Variants in SERBP1 observed in about 807,000 individuals in gnomAD.
SERBP1 encodes SERPINE1 mRNA binding protein 1, also known as SERPINE1 mRNA-binding protein 1.
Under a neutral mutation model 50.2 loss-of-function variants are expected in SERBP1, and 6 were observed. The observed-to-expected ratio is 0.12, with a 90% CI of 0.07 to 0.24. The LOEUF (loss-of-function observed/expected upper bound fraction) is 0.24, where lower values mean the gene tolerates loss of function less well. SERBP1 is among the 10% of genes least tolerant of loss of function. The pLI is 1.00. For missense variants in SERBP1, 346 were observed against 524.9 expected (o/e 0.66, Z 3.33); for synonymous variants, 168 against 182.8 (o/e 0.92, Z 0.65).
intron 6 of SERBP1, among the ~76,000 whole-genome samples, chr1:67,416,211 C>G (rs1453336397): frequency 6.6e-6 from 1 of 152,148 alleles, no homozygotes; most frequent in Non-Finnish European, 1.5e-5. Context: ...CAGGTTTTCA[C>G]AGTGTTGCTC....
rs771340479 is a variant in SERBP1 at position 67,430,181 on chromosome 1, T to C, written c.120A>G (p.Glu40=). The change falls in exon 1 of 8, where the codon GAA becomes GAG. Residue 40 remains glutamate, a synonymous_variant. Coordinates refer to ENST00000361219, the MANE Select transcript of SERBP1 (RefSeq NM_001018069.2). The stretch of plus-strand genomic sequence containing the variant: ...GGCCCCCAACGCCGCCCCCGCCGGC[T>C]TCTTTTTTCTTGTTCTCTGCTGCCT... ...VLKAAENKKK[E]AGGGGVGGPG... is the part of the protein sequence containing the mutation. 1.2e-5 allele frequency: 20 copies of C among 1,610,614 alleles called. No homozygotes were observed. Among genetic ancestry groups the C allele is most frequent in the Non-Finnish European group, 1.7e-5 (20 of 1,179,554 alleles).
chr1:67,417,121 G>A (rs1028329851), intron 6 of SERBP1: 1 of 152,242 alleles, frequency 6.6e-6, no homozygotes, highest in African/African-American at 2.4e-5. Flanking sequence ...TGAGCACGGG[G>A]AGGTTGAGGC....
intron 7 of SERBP1, 64 bp from the exon 8 acceptor site, chr1:67,413,327 T>C (rs972080922): frequency 1.4e-6 from 2 of 1,385,466 alleles, no homozygotes; most frequent in African/African-American, 1.5e-5. Flanking sequence ...TGTTAGCTAG[T>C]GTCTACATTA....
At chr1:67,427,688 A>G (rs756516134) in intron 1 of SERBP1, among the ~76,000 whole-genome samples, 4 of 152,218 alleles carry the variant, frequency 2.6e-5, no homozygotes, top group Non-Finnish European at 4.4e-5. Flanking sequence ...ATCCAAGCCA[A>G]ACACACCCAA....
In SERBP1 at chr1:67,430,368, T is replaced by G. The variant is rs1481498091; in HGVS notation, c.-68A>C. 6 of 1,446,702 alleles carry G rather than the reference T, an allele frequency of 4.1e-6. No individual in the cohort carries two copies. In the East Asian group the frequency reaches 7.3e-5, roughly 18 times the overall value. The allele number at this position is 1,446,702 out of a possible 1,614,324, so 89.6% of individuals were successfully genotyped here. ...CCGCGCCGAGCCAAGAGCGCCTGCT[T>G]CAGCTCTTCCCACAAGATGGCCGGG... On this transcript the variant is annotated 5_prime_UTR_variant, in exon 1 of 8. Transcript: ENST00000361219.
intron 1 of SERBP1, 182 bp downstream of exon 1, chr1:67,429,806 C>T (rs1326092021): frequency 1.5e-6 from 1 of 663,632 alleles, no homozygotes; most frequent in Non-Finnish European, 2.5e-6. Flanking sequence ...GTGGCTTGAA[C>T]TTGGGGCTAC....
In SERBP1 at chr1:67,426,054, G is replaced by A. The variant is rs533927843; in HGVS notation, c.464+81C>T. 30 of 1,184,076 alleles carry A rather than the reference G, an allele frequency of 2.5e-5. No individual in the cohort carries two copies. The African/African-American group carries it at 3.6e-4, about 14-fold the overall frequency. 73.3% of individuals were successfully genotyped at this position (1,184,076 alleles called of 1,614,324 possible). On this transcript the variant is annotated intron_variant, in intron 2 of 7. Coordinates refer to ENST00000361219, the MANE Select transcript of SERBP1 (RefSeq NM_001018069.2). ...CATTTGAGCCCAGGAAGCAGAGGCT[G>A]CAGTGAGCCAAGCTTGTACCACTGC...
At chr1:67,414,404 A>G (rs1666938300) in intron 7 of SERBP1, among the ~76,000 whole-genome samples, 2 of 152,236 alleles carry the variant, frequency 1.3e-5, no homozygotes, top group South Asian at 4.1e-4. Flanking sequence ...GGAACAAAGT[A>G]TCATTACACT....
In SERBP1 at chr1:67,409,430, C is replaced by CACACACACACACACACA. The variant is rs1264200348; in HGVS notation, c.*3776_*3777insTGTGTGTGTGTGTGTGT. ...ACACACACACACACACCCCCACACA[C>CACACACACACACACACA]ACCAGGTCACAGGCTGAACTTTGCT... On this transcript the variant is annotated 3_prime_UTR_variant, in exon 8 of 8. Coordinates refer to ENST00000361219, the MANE Select transcript of SERBP1 (RefSeq NM_001018069.2). The CACACACACACACACACA allele has an allele frequency of 2.0e-4, 29 of 148,464 alleles. No homozygotes were observed. Among genetic ancestry groups the CACACACACACACACACA allele is most frequent in the African/African-American group, 7.4e-4 (29 of 39,062 alleles). 9.2% of individuals were successfully genotyped at this position (148,464 alleles called of 1,614,324 possible). A position where few individuals can be genotyped will look rare whatever the true frequency, so the allele number is the denominator to read the frequency against.
chr1:67,424,561 G>T, intron 4 of SERBP1: 1 of 493,874 alleles, frequency 2.0e-6, no homozygotes, highest in Non-Finnish European at 3.5e-6. Flanking sequence ...ATCAAATTTT[G>T]TAATGACAAC....
intron 6 of SERBP1, chr1:67,417,413 A>G (rs188066178): frequency 2.0e-5 from 3 of 152,328 alleles, no homozygotes; most frequent in East Asian, 1.9e-4. Flanking sequence ...GGACATGAGC[A>G]TCTGAAAATT....
In SERBP1 at chr1:67,424,071, T is replaced by G. The variant is rs374307250; in HGVS notation, c.773+129A>C. On this transcript the variant is annotated intron_variant, in intron 5 of 7. Transcript: ENST00000361219. The stretch of plus-strand genomic sequence containing the variant: ...TCAAATACTCTTTGAGGGATGAGGG[T>G]ACAGTAAGTCTCCCTTGTCAAAAAC... 2.8e-5 allele frequency: 24 copies of G among 860,244 alleles called. No homozygotes were observed. The Middle Eastern group carries it at 1.1e-3, about 39-fold the overall frequency. The allele number at this position is 860,244 out of a possible 1,614,324, so 53.3% of individuals were successfully genotyped here.
rs745595759 is a variant in SERBP1, at chr1:67,425,053, TA to T, written c.605+29del. On this transcript the variant is annotated intron_variant, in intron 3 of 7. Transcript: ENST00000361219. The stretch of plus-strand genomic sequence containing the variant: ...TTGTTTATTAAATAGATTAAAATAT[TA>T]AAGTAAAATAAAAACCAGTAAGACT... 3.1e-6 allele frequency: 5 copies of T among 1,598,888 alleles called. No individual in the cohort carries two copies. The Admixed American group carries it at 8.6e-5, about 27-fold the overall frequency.
chr1:67,424,693 A>G (rs1667312329), intron 4 of SERBP1, among the ~76,000 whole-genome samples, 195 bp downstream of exon 4: 1 of 152,200 alleles, frequency 6.6e-6, no homozygotes, highest in South Asian at 2.1e-4. Flanking sequence ...AATGAGTAAC[A>G]AATATATCGA....
chr1:67,414,661 G>A (rs1277135604), intron 7 of SERBP1, among the ~76,000 whole-genome samples: 1 of 152,124 alleles, frequency 6.6e-6, no homozygotes, highest in Non-Finnish European at 1.5e-5. Context: ...ATGAATCCCA[G>A]CTCTCACAGA....
Position 67,408,410 on chromosome 1 carries a change from A to G in SERBP1, c.*4797T>C, listed in dbSNP as rs1666704502. On this transcript the variant is annotated 3_prime_UTR_variant, in exon 8 of 8. Transcript: ENST00000361219. ...AAACATTACTGATTTAAAACAGTATATACATACTAACTCAAAAAAATAATT... is the reference window on the plus strand; with the variant it reads ...AAACATTACTGATTTAAAACAGTATGTACATACTAACTCAAAAAAATAATT... 6.6e-6 allele frequency: 1 copy of G among 152,198 alleles called. No individual in the cohort carries two copies. The highest frequency in any genetic ancestry group is 2.1e-4 in the South Asian group (1 of 4,828). The allele number at this position is 152,198 out of a possible 1,614,324, so 9.4% of individuals were successfully genotyped here.
intron 6 of SERBP1, chr1:67,417,193 C>T (rs1011821621): frequency 6.6e-6 from 1 of 152,022 alleles, no homozygotes; most frequent in African/African-American, 2.4e-5. Flanking sequence ...GACCTTGTCT[C>T]AAAATAAAGT....
At position 67,430,049 on chromosome 1, in the gene SERBP1, G is replaced by C; in HGVS notation, c.252C>G (p.Pro84=). ...CTTTCTTGTCAACCACGCCAACGCT[G>C]GGGGGCAGCGGGTTCTTGCGGTCTT... is the stretch of plus-strand genomic sequence containing the variant. ...SQKDRKNPLP[P]SVGVVDKKEE... is the part of the protein sequence containing the mutation. The change falls in exon 1 of 8, where the codon CCC becomes CCG. Residue 84 remains proline (P), a synonymous_variant. Coordinates refer to ENST00000361219, the MANE Select transcript of SERBP1 (RefSeq NM_001018069.2). 6.2e-7 allele frequency: 1 copy of C among 1,613,510 alleles called. No homozygotes were observed. The highest frequency in any genetic ancestry group is 8.5e-7 in the Non-Finnish European group (1 of 1,179,746).
chr1:67,423,542 G>C (rs922306664), intron 5 of SERBP1, among the ~76,000 whole-genome samples: 1 of 151,948 alleles, frequency 6.6e-6, no homozygotes, highest in African/African-American at 2.4e-5. Flanking sequence ...AGGAGGCGGA[G>C]GGTGCAGTGA....
Sources: allele counts gnomAD v4.1 joint callset (sites outside exome capture counted in the v4.1 genomes callset), GRCh38; gene constraint gnomAD v4.1.1; transcripts MANE v1.5; gene names NCBI Gene and HGNC (gene_info 2026-07-23, HGNC 2026-07-21).